The following TVP23C variants were observed in gnomAD, a reference collection of about 807,000 sequenced individuals.
TVP23C encodes the protein trans-golgi network vesicle protein 23 homolog C.
A neutral mutation model predicts 28.7 loss-of-function variants in TVP23C; 19 were observed. The ratio of observed to expected loss-of-function variants is 0.66; its 90% CI spans 0.46 to 0.97. The LOEUF (loss-of-function observed/expected upper bound fraction) is 0.97. Ranked by LOEUF, TVP23C falls within the 50% of genes least tolerant of loss-of-function variation. The pLI, the probability that TVP23C is intolerant of heterozygous loss-of-function variation, is 0.00. For synonymous variants in TVP23C, 68 were observed against 81.7 expected (o/e 0.83, Z 0.90); for missense variants, 186 against 241.3 (o/e 0.77, Z 1.52).
chr17:15,503,488 T>C (rs1211363218), intron 5 of TVP23C: 1 of 343,750 alleles, frequency 2.9e-6, no homozygotes, highest in Non-Finnish European at 5.2e-6. Flanking sequence ...GGACTGAAGA[T>C]TGTTGGAACA....
chr17:15,555,356 A>C lies in TVP23C; in HGVS notation c.21T>G (p.Asn7Lys). The change falls in exon 2 of 6, where the codon AAT becomes AAG. Residue 7 changes from asparagine to lysine, a missense_variant. Transcript: ENST00000518321. MLQQDS[N>K]DDTEDVSLFD... The stretch of plus-strand genomic sequence containing the variant: ...ACAGTGAAACATCTTCAGTGTCATC[A>C]TTACTATCCTGGTTGGAAAAATAAA... The C allele has an allele frequency of 6.2e-7, 1 of 1,613,980 alleles. No individual in the cohort carries two copies. Among genetic ancestry groups the C allele is most frequent in the South Asian group, 1.1e-5 (1 of 91,072 alleles).
chr17:15,558,440 G>A (rs1303683067), intron 1 of TVP23C, among the ~76,000 whole-genome samples: 1 of 145,982 alleles, frequency 6.9e-6, no homozygotes, highest in African/African-American at 2.5e-5. Flanking sequence ...TCTGGAACCT[G>A]TGAATATGTA....
intron 5 of TVP23C, among the ~76,000 whole-genome samples, chr17:15,523,373 C>T (rs1382270012): frequency 4.0e-5 from 6 of 151,720 alleles, no homozygotes; most frequent in African/African-American, 7.3e-5. Context: ...TGCAGTGGCA[C>T]GATCTCAGCT....
At chr17:15,526,328 G>A (rs142092402) in intron 5 of TVP23C, among the ~76,000 whole-genome samples, 7,814 of 152,122 alleles carry the variant, frequency 0.051, 273 homozygotes, top group Non-Finnish European at 0.072. Flanking sequence ...CCTCACCATT[G>A]ACAAGTCCTG....
rs531496593 is a variant in TVP23C, at chr17:15,524,876, A to C, written c.462+20909T>G. Among the ~76,000 whole-genome samples the C allele has an allele frequency of 3.9e-5, 6 of 152,320 alleles. No individual in the cohort carries two copies. The South Asian group carries it at 1.2e-3, about 32-fold the overall frequency. ...TGCCAGCTGAAACCTAAGAACAGAC[A>C]CAGTGCATGAGCAGTGTCCTACCAG... On this transcript the variant is annotated intron_variant, in intron 5 of 5. Transcript: ENST00000225576.
Position 15,538,460 on chromosome 17 carries a change from G to A in TVP23C, c.*1952C>T. On this transcript the variant is annotated 3_prime_UTR_variant, in exon 6 of 6. Transcript: ENST00000518321. Reference sequence around the variant, plus strand: ...AAAAAATTAGCCAGGCGTGGTGGCGGGCGCCTGCAATCCCAGCTACTCGGG... The same window carrying A: ...AAAAAATTAGCCAGGCGTGGTGGCGAGCGCCTGCAATCCCAGCTACTCGGG... 1.5e-6 allele frequency: 1 copy of A among 678,690 alleles called. No individual in the cohort carries two copies. Among genetic ancestry groups the A allele is most frequent in the South Asian group, 6.5e-5 (1 of 15,298 alleles). 42.0% of individuals were successfully genotyped at this position (678,690 alleles called of 1,614,324 possible). A position where few individuals can be genotyped will look rare whatever the true frequency, so the allele number is the denominator to read the frequency against.
intron 3 of TVP23C, among the ~76,000 whole-genome samples, chr17:15,552,114 A>G (rs968582524): frequency 5.3e-5 from 8 of 152,236 alleles, no homozygotes; most frequent in Admixed American, 3.3e-4. Context: ...AAGAATTTGG[A>G]AATTACCAGG....
At position 15,507,294 on chromosome 17, in the gene TVP23C, C is replaced by T. The variant is rs750289589; in HGVS notation, c.463-4062G>A. 6.7e-5 allele frequency: 51 copies of T among 759,964 alleles called. 1 individual carries two copies. Among genetic ancestry groups the T allele is most frequent in the Admixed American group, 3.3e-4 (19 of 57,680 alleles). The allele number at this position is 759,964 out of a possible 1,614,324, so 47.1% of individuals were successfully genotyped here. On this transcript the variant is annotated intron_variant, in intron 5 of 5. Transcript: ENST00000225576. ...TATTGTGAAGCCCATGGAGCGCTTT[C>T]GGTCCAGGAATGGCAAGACCAGCAA... is the stretch of plus-strand genomic sequence containing the variant.
At chr17:15,525,023 G>A (rs1304372642) in intron 5 of TVP23C, among the ~76,000 whole-genome samples, 2 of 152,232 alleles carry the variant, frequency 1.3e-5, no homozygotes, top group African/African-American at 2.4e-5. Flanking sequence ...CCAGGAATGA[G>A]GTGTCTCTGT....
intron 5 of TVP23C, among the ~76,000 whole-genome samples, chr17:15,516,094 T>C (rs549423197): frequency 1.3e-5 from 2 of 152,340 alleles, no homozygotes; most frequent in East Asian, 1.9e-4. Context: ...GATGTTCTCA[T>C]GCTTCCTGTA....
chr17:15,545,853 T>G lies in TVP23C; in HGVS notation c.394A>C (p.Ile132Leu), dbSNP rs967991893. 5.6e-6 allele frequency: 9 copies of G among 1,613,988 alleles called. No individual in the cohort carries two copies. In the African/African-American group the frequency reaches 1.2e-4, roughly 22 times the overall value. ...AESRIFWLGL[I>L]ACSVLWVIFA... ...ATCACCCACAGTACTGAACAGGCAA[T>G]AAGTCCCAACCAAAAGATTCTTGAT... The change falls in exon 5 of 6, where the codon ATT becomes CTT. Residue 132 changes from isoleucine to leucine, a missense_variant. Around this residue, in one of 3 missense-constraint regions of TVP23C, gnomAD observed 74 missense variants for 96.0 expected, o/e 0.77. Transcript: ENST00000518321.
intron 5 of TVP23C, among the ~76,000 whole-genome samples, chr17:15,514,684 G>A (rs978330821): frequency 1.3e-5 from 2 of 152,160 alleles, no homozygotes; most frequent in Admixed American, 1.3e-4. Flanking sequence ...CAATGTAAAC[G>A]ATTGGGGTCA....
At position 15,537,509 on chromosome 17, in the gene TVP23C, C is replaced by A; in HGVS notation, c.*2903G>T. On this transcript the variant is annotated 3_prime_UTR_variant, in exon 6 of 6. Coordinates refer to ENST00000518321, the MANE Select transcript of TVP23C (RefSeq NM_001135036.2). ...GATGATTCCACTTATATTAACTGGG[C>A]CTTAAGTAGATAACTTCTTACAAAC... The A allele has an allele frequency of 5.1e-6, 5 of 984,700 alleles. No homozygotes were observed. Among genetic ancestry groups the A allele is most frequent in the Non-Finnish European group, 6.0e-6 (5 of 829,364 alleles). The allele number at this position is 984,700 out of a possible 1,614,324, so 61.0% of individuals were successfully genotyped here. A position where few individuals can be genotyped will look rare whatever the true frequency, so the allele number is the denominator to read the frequency against.
downstream of TVP23C, among the ~76,000 whole-genome samples, chr17:15,535,791 G>T (rs1213015153): frequency 2.0e-5 from 3 of 152,214 alleles, no homozygotes; most frequent in Non-Finnish European, 4.4e-5. Flanking sequence ...CATGGATAAT[G>T]CTCAAAGTGC....
chr17:15,524,283 C>T (rs1299357570), intron 5 of TVP23C, among the ~76,000 whole-genome samples: 1 of 151,994 alleles, frequency 6.6e-6, no homozygotes, highest in African/African-American at 2.4e-5. Flanking sequence ...TTGAGAGTAC[C>T]ATTTTGCCTC....
At chr17:15,547,648 T>C (rs1252617305) in intron 3 of TVP23C, among the ~76,000 whole-genome samples, 2 of 152,232 alleles carry the variant, frequency 1.3e-5, no homozygotes, top group Non-Finnish European at 2.9e-5. Flanking sequence ...AAATATTTAC[T>C]GAGCATCTAC....
At chr17:15,526,048 G>C (rs1360553204) in intron 5 of TVP23C, among the ~76,000 whole-genome samples, 1 of 152,202 alleles carries the variant, frequency 6.6e-6, no homozygotes, top group Non-Finnish European at 1.5e-5. Flanking sequence ...ACTCATGTTT[G>C]TCTGCACTGC....
intron 5 of TVP23C, among the ~76,000 whole-genome samples, chr17:15,505,796 C>T (rs1435960232): frequency 6.2e-5 from 2 of 32,276 alleles, no homozygotes; most frequent in Non-Finnish European, 1.1e-4. Context: ...TCGGAGCAGC[C>T]GGCCAGCCCT....
At chr17:15,547,967 TA>T (rs911712338) in intron 3 of TVP23C, among the ~76,000 whole-genome samples, 12 of 151,394 alleles carry the variant, frequency 7.9e-5, no homozygotes, top group African/African-American at 2.9e-4. Flanking sequence ...CCTCGATGGG[TA>T]AAAAAAAATG....
Sources: allele counts gnomAD v4.1 joint callset (sites outside exome capture counted in the v4.1 genomes callset), GRCh38; gene constraint gnomAD v4.1.1; regional missense constraint gnomAD v4.1.1; transcripts MANE v1.5; gene names NCBI Gene and HGNC (gene_info 2026-07-23, HGNC 2026-07-21).